Variants in ERBB4 observed in about 807,000 individuals in gnomAD.
The protein encoded by ERBB4 is receptor tyrosine-protein kinase erbB-4.
A neutral mutation model predicts 158.0 loss-of-function variants in ERBB4; 42 were observed. The observed-to-expected ratio is 0.27, with a 90% CI of 0.21 to 0.34. ERBB4 has a LOEUF of 0.34. Ranked by LOEUF, ERBB4 falls within the 10% of genes least tolerant of loss-of-function variation. The pLI, the probability that ERBB4 is intolerant of heterozygous loss-of-function variation, is 1.00. For synonymous variants in ERBB4, 583 were observed against 558.7 expected (o/e 1.04, Z -0.61); for missense variants, 1,333 against 1,624.1 (o/e 0.82, Z 3.08).
intron 2 of ERBB4, among the ~76,000 whole-genome samples, chr2:212,056,803 G>A (rs2077589178): frequency 6.6e-6 from 1 of 152,054 alleles, no homozygotes; most frequent in African/African-American, 2.4e-5. Flanking sequence ...AGGAACAACT[G>A]GTATCAGCCA....
intron 19 of ERBB4, among the ~76,000 whole-genome samples, chr2:211,594,071 GCA>G (rs2068555129): frequency 6.6e-6 from 1 of 151,936 alleles, no homozygotes; most frequent in African/African-American, 2.4e-5. Context: ...ATAACATTTT[GCA>G]CACTAAATTC....
intron 7 of ERBB4, among the ~76,000 whole-genome samples, chr2:211,717,598 G>A (rs2073960266): frequency 6.6e-6 from 1 of 152,170 alleles, no homozygotes; most frequent in South Asian, 2.1e-4. Context: ...GGGAGGCCGA[G>A]GGAGGTGGAT....
At chr2:211,930,405 C>G (rs763901973) in intron 3 of ERBB4, among the ~76,000 whole-genome samples, 4 of 152,138 alleles carry the variant, frequency 2.6e-5, no homozygotes, top group Non-Finnish European at 5.9e-5. Flanking sequence ...TGAAGTAAGT[C>G]TAAACACTTG....
chr2:212,146,202 A>C (rs2125616807), intron 1 of ERBB4, among the ~76,000 whole-genome samples: 1 of 152,270 alleles, frequency 6.6e-6, no homozygotes, highest in South Asian at 2.1e-4. Context: ...TTAGTGTTTC[A>C]GTTATATGTT....
At chr2:212,232,507 C>T (rs984730083) in intron 1 of ERBB4, among the ~76,000 whole-genome samples, 2 of 152,180 alleles carry the variant, frequency 1.3e-5, no homozygotes, top group African/African-American at 4.8e-5. Context: ...CTCCTGTGTT[C>T]AAGCGATTTT....
At chr2:212,075,342 A>T (rs1521544) in intron 2 of ERBB4, among the ~76,000 whole-genome samples, 125,272 of 151,788 alleles carry the variant, frequency 0.83, 53,358 homozygotes, top group East Asian at 1. Flanking sequence ...TATAATATTT[A>T]ATATTTAATA....
In ERBB4 at chr2:211,478,735, A is replaced by G. The variant is rs576682671; in HGVS notation, c.2488-47635T>C. ...TACAACATATCCCCTAATTCTTCAC[A>G]GCACCATCTTACCTCTTTTCTAACT... is the stretch of plus-strand genomic sequence containing the variant. On this transcript the variant is annotated intron_variant, in intron 20 of 27. Transcript: ENST00000342788. 8.8e-4 allele frequency among the ~76,000 whole-genome samples: 134 copies of G among 152,064 alleles called. 1 individual carries two copies. Among genetic ancestry groups the G allele is most frequent in the Non-Finnish European group, 1.3e-3 (89 of 68,012 alleles).
Position 211,704,173 on chromosome 2 carries a change from C to T in ERBB4, c.1220G>A (p.Trp407Ter), listed in dbSNP as rs2106045998. Residue 407 changes from tryptophan to a stop codon, truncating the protein, a stop_gained, in exon 11 of 28, where the codon TGG (tryptophan) becomes TAG (stop). Transcript: ENST00000342788. LOFTEE classifies it high-confidence loss of function. ...ACTGAAGTCAGTCATGTTTGGTGGC[C>T]ATGACTGTATGTTCAGGAAACCTAC... is the stretch of plus-strand genomic sequence containing the variant. ...EITGFLNIQSWPPNMTDFSVF... is the reference protein window; with the variant it reads ...EITGFLNIQS 2 of 1,611,642 alleles carry T rather than the reference C, an allele frequency of 1.2e-6. No individual in the cohort carries two copies.
At chr2:212,201,576 T>C (rs968420650) in intron 1 of ERBB4, among the ~76,000 whole-genome samples, 1 of 152,198 alleles carries the variant, frequency 6.6e-6, no homozygotes, top group African/African-American at 2.4e-5. Flanking sequence ...TATTGATTCA[T>C]TCAGAATATA....
At chr2:212,358,553 T>TGGA (rs1231734260) in intron 1 of ERBB4, among the ~76,000 whole-genome samples, 1 of 151,782 alleles carries the variant, frequency 6.6e-6, no homozygotes, top group East Asian at 1.9e-4. Flanking sequence ...AATTTATAAT[T>TGGA]GGAGTTTTCA....
At chr2:211,548,655 A>T (rs1192935438) in intron 20 of ERBB4, among the ~76,000 whole-genome samples, 1 of 151,912 alleles carries the variant, frequency 6.6e-6, no homozygotes, top group African/African-American at 2.4e-5. Context: ...TGGCTCTGAC[A>T]CCAAGAACCG....
chr2:211,668,085 A>G (rs1331103196), intron 14 of ERBB4, among the ~76,000 whole-genome samples: 1 of 152,194 alleles, frequency 6.6e-6, no homozygotes, highest in Admixed American at 6.5e-5. Context: ...TGCACAGCAT[A>G]TTACTGTACT....
intron 1 of ERBB4, among the ~76,000 whole-genome samples, chr2:212,418,376 T>A (rs891913152): frequency 1.3e-5 from 2 of 151,898 alleles, no homozygotes; most frequent in East Asian, 1.9e-4. Context: ...TACAATATAA[T>A]GCCTAAATAT....
In ERBB4 at chr2:212,425,358, A is replaced by ATG. The variant is rs1201185862; in HGVS notation, c.82+113089_82+113090dup. ...TAAGGATACATATATATGAACATAT[A>ATG]TGTATATGTATACATATATATGAAC... On this transcript the variant is annotated intron_variant, in intron 1 of 27. Coordinates refer to ENST00000342788, the MANE Select transcript of ERBB4 (RefSeq NM_005235.3). 8.4e-3 allele frequency among the ~76,000 whole-genome samples: 1,249 copies of ATG among 148,276 alleles called. 23 individuals carry two copies. Among genetic ancestry groups the ATG allele is most frequent in the South Asian group, 0.049 (235 of 4,760 alleles).
intron 3 of ERBB4, among the ~76,000 whole-genome samples, chr2:211,888,829 C>A (rs1293629458): frequency 6.6e-6 from 1 of 151,682 alleles, no homozygotes; most frequent in Non-Finnish European, 1.5e-5. Flanking sequence ...CCGAATATTG[C>A]GCTTTTCAGA....
At chr2:212,377,807 C>CT (rs1240158786) in intron 1 of ERBB4, among the ~76,000 whole-genome samples, 1 of 151,794 alleles carries the variant, frequency 6.6e-6, no homozygotes, top group Non-Finnish European at 1.5e-5. Context: ...TTTAAAAATC[C>CT]TTTGTTTCTT....
At chr2:212,191,296 G>A (rs2082179963) in intron 1 of ERBB4, among the ~76,000 whole-genome samples, 1 of 151,878 alleles carries the variant, frequency 6.6e-6, no homozygotes, top group African/African-American at 2.4e-5. Context: ...TTGGCCTGGG[G>A]ACTACACTTT....
intron 3 of ERBB4, among the ~76,000 whole-genome samples, chr2:211,830,162 T>C (rs1247663731): frequency 6.6e-6 from 1 of 152,340 alleles, no homozygotes; most frequent in Non-Finnish European, 1.5e-5. Context: ...CTGTGTCTTA[T>C]TTGTTTACTT....
chr2:212,522,378 AT>A (rs1692218274), intron 1 of ERBB4, among the ~76,000 whole-genome samples: 1 of 151,970 alleles, frequency 6.6e-6, no homozygotes, highest in Non-Finnish European at 1.5e-5. Flanking sequence ...TTAATGTGTG[AT>A]GTACAGAAGT....
Sources: allele counts gnomAD v4.1 joint callset (sites outside exome capture counted in the v4.1 genomes callset), GRCh38; gene constraint gnomAD v4.1.1; transcripts MANE v1.5; gene names NCBI Gene and HGNC (gene_info 2026-07-23, HGNC 2026-07-21).